FTO: variants seen among roughly 807,000 people sequenced by gnomAD.
FTO encodes alpha-ketoglutarate-dependent dioxygenase FTO.
FTO carries 47 observed loss-of-function variants against 63.9 expected under a neutral mutation model. The ratio of observed to expected loss-of-function variants is 0.74; its 90% CI spans 0.58 to 0.94. The LOEUF (loss-of-function observed/expected upper bound fraction) is 0.94, where lower values mean the gene tolerates loss of function less well. FTO is among the 40% of genes least tolerant of loss of function. The pLI is 0.00. For synonymous variants in FTO, 207 were observed against 224.4 expected, an observed-to-expected ratio of 0.92 and a Z score of 0.69; for missense variants, 562 against 618.1, an observed-to-expected ratio of 0.91 and a Z score of 0.96.
intron 2 of FTO, among the ~76,000 whole-genome samples, chr16:53,820,725 G>C (rs973097488): frequency 6.6e-6 from 1 of 151,178 alleles, no homozygotes; most frequent in East Asian, 1.9e-4. Flanking sequence ...GAGAATATGC[G>C]GTGTTTGGTT....
intron 8 of FTO, chr16:54,070,032 G>C (rs1046339976): frequency 1.8e-4 from 27 of 151,776 alleles, no homozygotes; most frequent in African/African-American, 6.3e-4. Flanking sequence ...TCATTTAACA[G>C]GTTATCTCAT....
intron 8 of FTO, among the ~76,000 whole-genome samples, chr16:54,086,955 G>C (rs2086266719): frequency 6.6e-6 from 1 of 152,212 alleles, no homozygotes; most frequent in Non-Finnish European, 1.5e-5. Context: ...AACTCAGCCA[G>C]AGAATGAGAT....
intron 1 of FTO, among the ~76,000 whole-genome samples, chr16:53,749,623 T>C (rs1598562995): frequency 6.6e-6 from 1 of 152,078 alleles, no homozygotes; most frequent in Middle Eastern, 3.4e-3. Flanking sequence ...GTATTTTTAG[T>C]AGAGACGGGG....
intron 1 of FTO, among the ~76,000 whole-genome samples, chr16:53,787,303 G>C (rs963202840): frequency 3.3e-5 from 5 of 151,400 alleles, no homozygotes; most frequent in African/African-American, 1.2e-4. Flanking sequence ...GATGTTGTTG[G>C]AAGTGGGAAA....
chr16:53,993,638 T>C (rs2083866542), intron 8 of FTO: 1 of 152,212 alleles, frequency 6.6e-6, no homozygotes, highest in Admixed American at 6.5e-5. Context: ...CTCAAGGCAG[T>C]AGGGGTTCCA....
At chr16:54,103,061 A>T (rs1350457242) in intron 8 of FTO, among the ~76,000 whole-genome samples, 3 of 152,266 alleles carry the variant, frequency 2.0e-5, no homozygotes, top group African/African-American at 7.2e-5. Flanking sequence ...GAGGCTGAGG[A>T]TCACTGGAGC....
chr16:54,106,204 A>G (rs1365465510), intron 8 of FTO, among the ~76,000 whole-genome samples: 3 of 152,104 alleles, frequency 2.0e-5, no homozygotes, highest in African/African-American at 7.2e-5. Context: ...TCTAAATGTA[A>G]GTGCAGCCCT....
chr16:53,824,756 T>C (rs2078958877), intron 2 of FTO, among the ~76,000 whole-genome samples: 1 of 152,238 alleles, frequency 6.6e-6, no homozygotes, highest in African/African-American at 2.4e-5. Context: ...TGATCATGTC[T>C]GACTCTTTCT....
chr16:54,020,284 CA>C (rs1210177985), intron 8 of FTO, among the ~76,000 whole-genome samples: 1 of 152,214 alleles, frequency 6.6e-6, no homozygotes, highest in Non-Finnish European at 1.5e-5. Flanking sequence ...CTAGGGATAT[CA>C]AAGTGATTGT....
chr16:53,722,734 G>A lies in FTO; in HGVS notation c.45+18505G>A, dbSNP rs369598385. ...TACCAGCTACTCGGGAAGCTGAGGC[G>A]GGAGAATCGCTTGAACCCGGGAGGC... is the stretch of plus-strand genomic sequence containing the variant. On this transcript the variant is annotated intron_variant, in intron 1 of 8. Transcript: ENST00000471389. Among the ~76,000 whole-genome samples, 5 of 151,918 alleles carry A rather than the reference G, an allele frequency of 3.3e-5. No homozygotes were observed. In the South Asian group the frequency reaches 6.2e-4, roughly 19 times the overall value.
At chr16:54,003,183 T>C (rs1448217298) in intron 8 of FTO, among the ~76,000 whole-genome samples, 1 of 152,180 alleles carries the variant, frequency 6.6e-6, no homozygotes, top group Admixed American at 6.5e-5. Flanking sequence ...CTCTGGGGCT[T>C]GGGACTGGCT....
intron 2 of FTO, among the ~76,000 whole-genome samples, chr16:53,813,749 T>C (rs1261792636): frequency 6.6e-6 from 1 of 152,186 alleles, no homozygotes; most frequent in East Asian, 1.9e-4. Flanking sequence ...CCTTACAGTG[T>C]GCTAGGCTTT....
Position 53,939,480 on chromosome 16 carries a change from A to C in FTO, c.1364+5371A>C, listed in dbSNP as rs138865053. Among the ~76,000 whole-genome samples the C allele has an allele frequency of 4.4e-3, 672 of 152,300 alleles. 3 individuals carry two copies. Among genetic ancestry groups the C allele is most frequent in the Non-Finnish European group, 6.9e-3 (469 of 68,026 alleles). ...ATAACGTAAAATTGCATATAACAAA[A>C]TTTATCGTTTTAAAGTGTACAGTTA... On this transcript the variant is annotated intron_variant, in intron 8 of 8. Transcript: ENST00000471389.
intron 1 of FTO, among the ~76,000 whole-genome samples, chr16:53,740,721 GC>G (rs1346644104): frequency 6.6e-6 from 1 of 152,120 alleles, no homozygotes. Flanking sequence ...CAGGTCTGTG[GC>G]TTTTTCAGCA....
intron 8 of FTO, among the ~76,000 whole-genome samples, chr16:54,018,264 C>G (rs1302159502): frequency 6.6e-6 from 1 of 152,108 alleles, no homozygotes; most frequent in African/African-American, 2.4e-5. Flanking sequence ...CTGACAAACT[C>G]TCTCCAAAAG....
intron 5 of FTO, among the ~76,000 whole-genome samples, chr16:53,876,817 T>C (rs974094586): frequency 3.3e-5 from 5 of 152,114 alleles, no homozygotes; most frequent in African/African-American, 1.2e-4. Context: ...ATCCCAGCTA[T>C]TCAGCAGGCT....
intron 8 of FTO, chr16:53,935,887 T>C (rs1223106104): frequency 6.6e-6 from 1 of 152,238 alleles, no homozygotes; most frequent in Non-Finnish European, 1.5e-5. Context: ...CTCTGTTTGA[T>C]GTCTTATGTC....
intron 1 of FTO, among the ~76,000 whole-genome samples, chr16:53,801,024 G>GCATA (rs903868553): frequency 6.6e-6 from 1 of 151,902 alleles, no homozygotes; most frequent in Non-Finnish European, 1.5e-5. Context: ...ACCTATGGTT[G>GCATA]CATACTGCTT....
chr16:53,835,984 A>T (rs1243061483), intron 3 of FTO, among the ~76,000 whole-genome samples: 1 of 149,022 alleles, frequency 6.7e-6, no homozygotes, highest in Non-Finnish European at 1.5e-5. Context: ...TCTGCCTCCC[A>T]GGTTCAAGTG....
Sources: allele counts gnomAD v4.1 joint callset (sites outside exome capture counted in the v4.1 genomes callset), GRCh38; gene constraint gnomAD v4.1.1; transcripts MANE v1.5; gene names NCBI Gene and HGNC (gene_info 2026-07-23, HGNC 2026-07-21).